Variants in ASB1 observed in about 807,000 individuals in gnomAD.
ASB1 encodes ankyrin repeat and SOCS box protein 1.
Under a neutral mutation model 27.7 loss-of-function variants are expected in ASB1, and 18 were observed. The ratio of observed to expected loss-of-function variants is 0.65; its 90% CI spans 0.45 to 0.96. The LOEUF is 0.96. Among genes scored for constraint, ASB1 ranks in the 50% least tolerant of loss-of-function variants. The pLI is 0.00. For synonymous variants in ASB1, 189 were observed against 187.6 expected (o/e 1.01, Z -0.06); for missense variants, 397 against 451.7 (o/e 0.88, Z 1.10).
At chr2:238,438,361 G>A (rs1349134413) in intron 3 of ASB1, among the ~76,000 whole-genome samples, 2 of 151,874 alleles carry the variant, frequency 1.3e-5, no homozygotes, top group Non-Finnish European at 2.9e-5. Context: ...CACCATGCCC[G>A]GCTATTTTTT....
At chr2:238,443,621 T>G (rs1702120548) in intron 3 of ASB1, among the ~76,000 whole-genome samples, 1 of 152,218 alleles carries the variant, frequency 6.6e-6, no homozygotes, top group Admixed American at 6.5e-5. Context: ...CCCTGTTAAA[T>G]GAGATGCTGA....
chr2:238,438,668 A>T (rs1025491732), intron 3 of ASB1, among the ~76,000 whole-genome samples: 6 of 152,216 alleles, frequency 3.9e-5, no homozygotes, highest in Non-Finnish European at 1.5e-5. Context: ...TGATACGGTT[A>T]AGTTACTGAA....
intron 4 of ASB1, among the ~76,000 whole-genome samples, chr2:238,445,205 C>T (rs1473703311): frequency 1.3e-5 from 2 of 152,022 alleles, no homozygotes; most frequent in African/African-American, 4.8e-5. Flanking sequence ...TGTTGAACTC[C>T]TGGGCTCAAG....
intron 3 of ASB1, among the ~76,000 whole-genome samples, chr2:238,436,289 A>G (rs1174137159): frequency 1.3e-5 from 2 of 151,768 alleles, no homozygotes; most frequent in Non-Finnish European, 2.9e-5. Flanking sequence ...TTGCAACGTT[A>G]ATTTACCTTT....
Position 238,427,078 on chromosome 2 carries a change from A to G in ASB1, c.8A>G (p.Glu3Gly). 2 of 1,263,454 alleles carry G rather than the reference A, an allele frequency of 1.6e-6. No homozygotes were observed. The highest frequency in any genetic ancestry group is 2.9e-5 in the South Asian group (1 of 34,672). The allele number at this position is 1,263,454 out of a possible 1,614,324, so 78.3% of individuals were successfully genotyped here. The change falls in exon 1 of 5, where the codon GAG becomes GGG. Residue 3 changes from glutamate to glycine, a missense_variant. Coordinates refer to ENST00000264607, the MANE Select transcript of ASB1 (RefSeq NM_001040445.3). MA[E>G]GGSPDGRAGP... is the part of the protein sequence containing the mutation. ...GCGGAGGCGGAAGCATCCATGGCGG[A>G]GGGCGGCAGCCCAGACGGGCGGGCA...
chr2:238,442,244 T>A (rs1394359660), intron 3 of ASB1, among the ~76,000 whole-genome samples: 1 of 151,828 alleles, frequency 6.6e-6, no homozygotes, highest in African/African-American at 2.4e-5. Context: ...GCCTCCCGAG[T>A]AGCTGGGATG....
intron 1 of ASB1, among the ~76,000 whole-genome samples, chr2:238,430,638 G>A (rs1160385666): frequency 6.6e-6 from 1 of 152,124 alleles, no homozygotes; most frequent in Non-Finnish European, 1.5e-5. Flanking sequence ...GTTCATTTTT[G>A]CGCAGATCCA....
intron 3 of ASB1, among the ~76,000 whole-genome samples, chr2:238,438,802 T>C (rs1702022516): frequency 6.6e-6 from 1 of 152,240 alleles, no homozygotes; most frequent in African/African-American, 2.4e-5. Flanking sequence ...TTGTTATTTG[T>C]AAATTCACTT....
At chr2:238,446,286 G>T in intron 4 of ASB1, 98 bp from the exon 5 acceptor site, 1 of 1,378,760 alleles carries the variant, frequency 7.3e-7, no homozygotes, top group Non-Finnish European at 9.9e-7. Context: ...AGTGAGCATT[G>T]GTGCACTTCT....
rs138112061 is a variant in ASB1, at chr2:238,451,803, C to A, written c.*5292C>A. 1.3e-5 allele frequency: 2 copies of A among 152,678 alleles called. No individual in the cohort carries two copies. Among genetic ancestry groups the A allele is most frequent in the East Asian group, 3.9e-4 (2 of 5,188 alleles). The allele number at this position is 152,678 out of a possible 1,614,324, so 9.5% of individuals were successfully genotyped here. A position where few individuals can be genotyped will look rare whatever the true frequency, so the allele number is the denominator to read the frequency against. ...TCAACAGGTGGAAGTGTTGGTCGTG[C>A]GAAATCTTGGTATTCGCATTTCAAG... On this transcript the variant is annotated 3_prime_UTR_variant, in exon 5 of 5. Transcript: ENST00000264607.
chr2:238,444,073 T>C (rs907663863), intron 3 of ASB1, among the ~76,000 whole-genome samples: 2 of 152,252 alleles, frequency 1.3e-5, no homozygotes, highest in African/African-American at 4.8e-5. Context: ...TCTGAAATAG[T>C]TTAAATAGCC....
Position 238,446,526 on chromosome 2 carries a change from G to A in ASB1, c.*15G>A, listed in dbSNP as rs993502212. On this transcript the variant is annotated 3_prime_UTR_variant, in exon 5 of 5. Coordinates refer to ENST00000264607, the MANE Select transcript of ASB1 (RefSeq NM_001040445.3). ...TCCATGAGTAGACTCCAAGTGCTGC[G>A]GTTGATTCCAGTGAGGGAGAAAGTG... The A allele has an allele frequency of 5.5e-5, 88 of 1,612,812 alleles. No homozygotes were observed. Among genetic ancestry groups the A allele is most frequent in the Admixed American group, 8.3e-5 (5 of 59,988 alleles).
At chr2:238,434,141 A>G (rs567855538) in intron 2 of ASB1, among the ~76,000 whole-genome samples, 1 of 152,000 alleles carries the variant, frequency 6.6e-6, no homozygotes, top group African/African-American at 2.4e-5. Flanking sequence ...TGCCCCCGGG[A>G]CCTGGGCCTC....
chr2:238,436,692 T>G (rs1208865458), intron 3 of ASB1, among the ~76,000 whole-genome samples: 1 of 152,138 alleles, frequency 6.6e-6, no homozygotes, highest in Non-Finnish European at 1.5e-5. Flanking sequence ...CAGACTACAT[T>G]GTTGTGAATG....
chr2:238,434,833 A>G (rs186417116), intron 2 of ASB1, among the ~76,000 whole-genome samples: 15 of 152,338 alleles, frequency 9.8e-5, no homozygotes, highest in Admixed American at 9.8e-4. Context: ...ACTCAGGCTC[A>G]GGGCATCTCT....
In ASB1 at chr2:238,450,336, T is replaced by C. The variant is rs1028853440; in HGVS notation, c.*3825T>C. The C allele has an allele frequency of 2.0e-5, 3 of 152,272 alleles. No homozygotes were observed. The highest frequency in any genetic ancestry group is 4.4e-5 in the Non-Finnish European group (3 of 68,048). 9.4% of individuals were successfully genotyped at this position (152,272 alleles called of 1,614,324 possible). ...CAACTTAAAGGATTGTTCTTTATTCTGAAGTTATTTTCTTCCTTATTTGGA... is the reference window on the plus strand; with the variant it reads ...CAACTTAAAGGATTGTTCTTTATTCCGAAGTTATTTTCTTCCTTATTTGGA... On this transcript the variant is annotated 3_prime_UTR_variant, in exon 5 of 5. Transcript: ENST00000264607.
Position 238,435,745 on chromosome 2 carries a change from T to C in ASB1, c.226T>C (p.Trp76Arg). 1 of 1,614,062 alleles carries C rather than the reference T, an allele frequency of 6.2e-7. No homozygotes were observed. Among genetic ancestry groups the C allele is most frequent in the East Asian group, 2.2e-5 (1 of 44,870 alleles). The change falls in exon 3 of 5, where the codon TGG (tryptophan) becomes CGG (arginine). Residue 76 changes from tryptophan to arginine, a missense_variant. Transcript: ENST00000264607. ...CGAGAAGTCTGTCTGGTGCTGTGGC[T>C]GGCTCCCCTGCACACCGTTGCGAAT... ...INEKSVWCCG[W>R]LPCTPLRIAA...
intron 1 of ASB1, among the ~76,000 whole-genome samples, chr2:238,429,483 T>C (rs1349750632): frequency 2.0e-5 from 3 of 152,232 alleles, no homozygotes; most frequent in Non-Finnish European, 4.4e-5. Flanking sequence ...CTGATTGTGA[T>C]GCCGGTTTAT....
chr2:238,442,794 A>G (rs957889656), intron 3 of ASB1, among the ~76,000 whole-genome samples: 28 of 152,038 alleles, frequency 1.8e-4, no homozygotes, highest in African/African-American at 6.8e-4. Flanking sequence ...ACACTTAGTA[A>G]AACATCTACA....
Sources: gnomAD v4.1 joint callset for allele counts (sites outside exome capture counted in the v4.1 genomes callset) on GRCh38, gnomAD v4.1.1 for gene constraint, MANE v1.5 for transcripts, NCBI Gene and HGNC (gene_info 2026-07-23, HGNC 2026-07-21) for gene names.